The following THSD7B variants were observed in gnomAD, a reference collection of about 807,000 sequenced individuals.
THSD7B encodes the protein thrombospondin type-1 domain-containing protein 7B.
THSD7B carries 138 observed loss-of-function variants against 213.6 expected under a neutral mutation model. The ratio of observed to expected loss-of-function variants is 0.65; its 90% confidence interval spans 0.56 to 0.74. The LOEUF (loss-of-function observed/expected upper bound fraction) is 0.74. THSD7B is among the 30% of genes least tolerant of loss of function. The pLI is 0.00. For missense variants in THSD7B, 1,931 were observed against 1,991.5 expected, an observed-to-expected ratio of 0.97 and a Z score of 0.58; for synonymous variants, 742 against 687.0, an observed-to-expected ratio of 1.08 and a Z score of -1.25.
chr2:136,980,520 G>A (rs560935717), intron 2 of THSD7B, among the ~76,000 whole-genome samples: 3 of 152,238 alleles, frequency 2.0e-5, no homozygotes, highest in African/African-American at 7.2e-5. Flanking sequence ...AAAGAAGCCC[G>A]GCCACGATCT....
chr2:137,227,097 C>A (rs568074927), intron 7 of THSD7B, among the ~76,000 whole-genome samples: 34 of 152,122 alleles, frequency 2.2e-4, no homozygotes, highest in African/African-American at 8.0e-4. Context: ...CTGCTCAATG[C>A]GTATGGGGCT....
intron 12 of THSD7B, among the ~76,000 whole-genome samples, chr2:137,357,580 TTTCCA>T (rs1472496368): frequency 2.6e-5 from 4 of 152,162 alleles, no homozygotes; most frequent in Admixed American, 1.3e-4. Context: ...CATCACCAAT[TTTCCA>T]GTTGTGAGGC....
At chr2:137,322,336 A>G (rs764211345) in intron 12 of THSD7B, among the ~76,000 whole-genome samples, 1 of 152,208 alleles carries the variant, frequency 6.6e-6, no homozygotes, top group Non-Finnish European at 1.5e-5. Flanking sequence ...CAGTAGAGAC[A>G]TTATGATGAT....
At chr2:136,985,040 T>C (rs916384133) in intron 2 of THSD7B, among the ~76,000 whole-genome samples, 1 of 152,130 alleles carries the variant, frequency 6.6e-6, no homozygotes, top group Non-Finnish European at 1.5e-5. Flanking sequence ...AGAAGTGACA[T>C]GCCCGCATCT....
chr2:137,374,710 G>A (rs1052806809), intron 12 of THSD7B, among the ~76,000 whole-genome samples: 1 of 152,182 alleles, frequency 6.6e-6, no homozygotes, highest in African/African-American at 2.4e-5. Context: ...AATCTTGCAA[G>A]TTCTCAATAG....
intron 15 of THSD7B, among the ~76,000 whole-genome samples, chr2:137,548,098 T>C (rs889823199): frequency 2.0e-5 from 3 of 151,980 alleles, no homozygotes; most frequent in African/African-American, 4.8e-5. Context: ...GTGGCAAATA[T>C]ATTATGAAGA....
chr2:137,669,617 G>A (rs796698136), intron 27 of THSD7B, among the ~76,000 whole-genome samples: 18 of 152,252 alleles, frequency 1.2e-4, no homozygotes, highest in East Asian at 3.9e-4. Flanking sequence ...CAAAGGACAC[G>A]AAGGTTTGGC....
At chr2:136,963,638 A>G (rs1685262143) in intron 2 of THSD7B, among the ~76,000 whole-genome samples, 1 of 152,204 alleles carries the variant, frequency 6.6e-6, no homozygotes, top group Admixed American at 6.5e-5. Flanking sequence ...ACAGTCAGGC[A>G]CTATCTCTAA....
At chr2:137,172,103 A>C (rs902416477) in intron 7 of THSD7B, among the ~76,000 whole-genome samples, 1 of 152,148 alleles carries the variant, frequency 6.6e-6, no homozygotes, top group African/African-American at 2.4e-5. Flanking sequence ...TTCTAATAAG[A>C]CGTATATTTT....
intron 2 of THSD7B, among the ~76,000 whole-genome samples, chr2:136,985,692 A>G (rs975454705): frequency 1.3e-5 from 2 of 152,238 alleles, no homozygotes; most frequent in Non-Finnish European, 2.9e-5. Flanking sequence ...AGAGTCCTCA[A>G]CAGGGTACTG....
chr2:137,324,519 CA>C (rs368496089), intron 12 of THSD7B, among the ~76,000 whole-genome samples: 8 of 150,234 alleles, frequency 5.3e-5, no homozygotes, highest in African/African-American at 1.5e-4. Context: ...TGTGAAATAA[CA>C]AAAAAAAACC....
chr2:137,358,999 A>C (rs1685196542), intron 12 of THSD7B, among the ~76,000 whole-genome samples: 1 of 152,218 alleles, frequency 6.6e-6, no homozygotes, highest in African/African-American at 2.4e-5. Context: ...CATATTCCTC[A>C]ACTGAAAATA....
rs574682128 is a variant in THSD7B at position 136,871,622 on chromosome 2, A to C, written c.-35-10522A>C. ...AGGTGATTTTCCATGAAATGATGAC[A>C]AGGCAGTTCTGAAATTATAAGAATG... On this transcript the variant is annotated intron_variant, in intron 1 of 27. Coordinates refer to ENST00000409968, the MANE Select transcript of THSD7B (RefSeq NM_001316349.2). Among the ~76,000 whole-genome samples the C allele has an allele frequency of 2.0e-5, 3 of 152,178 alleles. No individual in the cohort carries two copies. The South Asian group carries it at 6.2e-4, about 32-fold the overall frequency.
chr2:137,632,105 A>C (rs1573754891), intron 20 of THSD7B, among the ~76,000 whole-genome samples: 1 of 152,158 alleles, frequency 6.6e-6, no homozygotes, highest in Non-Finnish European at 1.5e-5. Context: ...GTATCTCCAA[A>C]GCCCCCATTT....
chr2:136,982,309 G>GA lies in THSD7B; in HGVS notation c.140-74111_140-74110insA, dbSNP rs1234610374. ...GGCTCTTACATTTGGTGCTATGTGA[G>GA]CAAATTGTACTTTTTTTTTTTTAAG... On this transcript the variant is annotated intron_variant, in intron 2 of 27. Coordinates refer to ENST00000409968, the MANE Select transcript of THSD7B (RefSeq NM_001316349.2). Among the ~76,000 whole-genome samples, 7 of 4,232 alleles carry GA rather than the reference G, an allele frequency of 1.7e-3. No homozygotes were observed. The Admixed American group carries it at 0.028, about 17-fold the overall frequency. The allele number at this position is 4,232 out of a possible 152,430, so 2.8% of individuals were successfully genotyped here. A position where few individuals can be genotyped will look rare whatever the true frequency, so the allele number is the denominator to read the frequency against.
intron 12 of THSD7B, among the ~76,000 whole-genome samples, chr2:137,286,838 C>A (rs1282035969): frequency 6.6e-6 from 1 of 152,120 alleles, no homozygotes; most frequent in Non-Finnish European, 1.5e-5. Flanking sequence ...GCAACTGTAG[C>A]CTAGCCCAGG....
At chr2:137,317,268 A>G (rs1040194045) in intron 12 of THSD7B, among the ~76,000 whole-genome samples, 1 of 152,222 alleles carries the variant, frequency 6.6e-6, no homozygotes, top group Non-Finnish European at 1.5e-5. Flanking sequence ...TTATGATACA[A>G]ACATCAAGTA....
intron 2 of THSD7B, among the ~76,000 whole-genome samples, chr2:136,986,847 T>C (rs1198362677): frequency 1.3e-5 from 2 of 152,240 alleles, no homozygotes; most frequent in Non-Finnish European, 2.9e-5. Flanking sequence ...CTGGTAAGAA[T>C]GTATAACTGT....
At chr2:137,061,054 A>G (rs539108037) in intron 3 of THSD7B, among the ~76,000 whole-genome samples, 71 of 151,934 alleles carry the variant, frequency 4.7e-4, no homozygotes, top group African/African-American at 1.6e-3. Flanking sequence ...AAAAAAATAT[A>G]TCTTGTACAT....
Sources: gnomAD v4.1 joint callset for allele counts (sites outside exome capture counted in the v4.1 genomes callset) on GRCh38, gnomAD v4.1.1 for gene constraint, MANE v1.5 for transcripts, NCBI Gene and HGNC (gene_info 2026-07-23, HGNC 2026-07-21) for gene names.